NELL1: variants seen among roughly 807,000 people sequenced by gnomAD.
NELL1 encodes neural EGFL like 1.
Under a neutral mutation model 107.4 loss-of-function variants are expected in NELL1, and 76 were observed. The ratio of observed to expected loss-of-function variants is 0.71; its 90% CI spans 0.59 to 0.86. The LOEUF (loss-of-function observed/expected upper bound fraction) is 0.86. Among genes scored for constraint, NELL1 ranks in the 40% least tolerant of loss-of-function variants. NELL1 has a pLI of 0.00. For missense variants in NELL1, 1,024 were observed against 1,005.5 expected, an observed-to-expected ratio of 1.02 and a Z score of -0.25; for synonymous variants, 353 against 341.2, an observed-to-expected ratio of 1.03 and a Z score of -0.38.
Position 20,787,160 on chromosome 11 carries a change from C to T in NELL1, c.335+3330C>T, listed in dbSNP as rs1394168208. 8.6e-5 allele frequency among the ~76,000 whole-genome samples: 13 copies of T among 151,804 alleles called. No individual in the cohort carries two copies. The East Asian group carries it at 1.9e-3, about 23-fold the overall frequency. On this transcript the variant is annotated intron_variant, in intron 3 of 19. Transcript: ENST00000357134. ...TGAAGAAGTAGATACTAGATCCCCT[C>T]TCCCTCTGGACTTTATGATGCCCTG...
At chr11:20,839,518 T>C (rs1250366926) in intron 3 of NELL1, among the ~76,000 whole-genome samples, 1 of 152,210 alleles carries the variant, frequency 6.6e-6, no homozygotes, top group Non-Finnish European at 1.5e-5. Flanking sequence ...AATTTTCATG[T>C]ATATAGAAAG....
chr11:21,561,118 G>C (rs1856841558), intron 17 of NELL1, among the ~76,000 whole-genome samples: 1 of 151,952 alleles, frequency 6.6e-6, no homozygotes, highest in Admixed American at 6.6e-5. Flanking sequence ...CTCTTGCCTG[G>C]TATGTCTATG....
chr11:20,821,402 T>C (rs770282984), intron 3 of NELL1, among the ~76,000 whole-genome samples: 13 of 152,164 alleles, frequency 8.5e-5, no homozygotes, highest in Non-Finnish European at 1.6e-4. Flanking sequence ...TTAAGTATGA[T>C]TATGATGAGG....
intron 12 of NELL1, among the ~76,000 whole-genome samples, chr11:21,018,299 G>T (rs1442929867): frequency 6.6e-6 from 1 of 152,068 alleles, no homozygotes; most frequent in African/African-American, 2.4e-5. Context: ...TACTAACATA[G>T]GCCTTATAAC....
intron 12 of NELL1, among the ~76,000 whole-genome samples, chr11:21,066,989 A>G (rs1285197796): frequency 6.6e-6 from 1 of 151,798 alleles, no homozygotes; most frequent in African/African-American, 2.4e-5. Flanking sequence ...AAATAAATAA[A>G]TAAATAAATA....
At chr11:21,098,917 A>G (rs569247867) in intron 12 of NELL1, among the ~76,000 whole-genome samples, 1 of 151,214 alleles carries the variant, frequency 6.6e-6, no homozygotes, top group South Asian at 2.1e-4. Context: ...ACATCAACAT[A>G]TATCTAAAAG....
At chr11:21,020,950 T>C (rs1852683880) in intron 12 of NELL1, among the ~76,000 whole-genome samples, 2 of 150,658 alleles carry the variant, frequency 1.3e-5, no homozygotes, top group South Asian at 4.2e-4. Flanking sequence ...ACTCTCACGA[T>C]AATCAGGAAA....
intron 15 of NELL1, among the ~76,000 whole-genome samples, chr11:21,450,482 CGTT>C (rs1169633196): frequency 3.9e-5 from 6 of 152,160 alleles, no homozygotes; most frequent in Non-Finnish European, 7.3e-5. Flanking sequence ...TGAGGTATAA[CGTT>C]GTATAATTGA....
rs1242467428 is a variant in NELL1, at chr11:20,915,699, T to TTATATATATATATATATATA, written c.604-2483_604-2482insTATATATATATATATATATA. Among the ~76,000 whole-genome samples the TTATATATATATATATATATA allele has an allele frequency of 6.1e-3, 123 of 20,328 alleles. 5 individuals are homozygous for TTATATATATATATATATATA. The highest frequency in any genetic ancestry group is 0.01 in the African/African-American group (103 of 9,932). 13.3% of individuals were successfully genotyped at this position (20,328 alleles called of 152,430 possible). ...TTTCATCTGTGGAAATCCTCATAGATGATATATATATATATATATTTTTTT... is the reference window on the plus strand; with the variant it reads ...TTTCATCTGTGGAAATCCTCATAGATTATATATATATATATATATAGATATATATATATATATATTTTTTT... On this transcript the variant is annotated intron_variant, in intron 5 of 19. Transcript: ENST00000357134.
chr11:21,569,455 T>TATGATGATGATGATG (rs147067365), intron 17 of NELL1, among the ~76,000 whole-genome samples: 8 of 149,656 alleles, frequency 5.3e-5, no homozygotes, highest in African/African-American at 2.0e-4. Context: ...CATGGTAGAA[T>TATGATGATGATGATG]ATGATGATGA....
chr11:20,960,669 A>C, intron 12 of NELL1, 109 bp downstream of exon 12: 3 of 1,206,078 alleles, frequency 2.5e-6, no homozygotes, highest in Middle Eastern at 2.0e-4. Flanking sequence ...GTCCTATGCA[A>C]TCCTATAAGA....
intron 2 of NELL1, among the ~76,000 whole-genome samples, chr11:20,762,606 C>T (rs1856445786): frequency 1.3e-5 from 2 of 152,090 alleles, no homozygotes; most frequent in South Asian, 4.1e-4. Flanking sequence ...TGGTTGGAGT[C>T]TCAGTCACAC....
chr11:20,822,199 A>T (rs2134025925), intron 3 of NELL1, among the ~76,000 whole-genome samples: 1 of 152,328 alleles, frequency 6.6e-6, no homozygotes. Context: ...GAAACCAGGC[A>T]GACAGACTCC....
chr11:21,424,103 A>T (rs1372032852), intron 15 of NELL1, among the ~76,000 whole-genome samples: 3 of 152,220 alleles, frequency 2.0e-5, no homozygotes, highest in African/African-American at 7.2e-5. Context: ...TAGCAAAAGG[A>T]TGAAAATAAT....
At chr11:20,969,662 T>TAA (rs35196698) in intron 12 of NELL1, among the ~76,000 whole-genome samples, 1 of 151,038 alleles carries the variant, frequency 6.6e-6, no homozygotes, top group African/African-American at 2.4e-5. Flanking sequence ...AGTGATGTAG[T>TAA]AAAGAACAAA....
Position 21,022,939 on chromosome 11 carries a change from G to A in NELL1, c.1300+62379G>A, listed in dbSNP as rs181760710. On this transcript the variant is annotated intron_variant, in intron 12 of 19. Coordinates refer to ENST00000357134, the MANE Select transcript of NELL1 (RefSeq NM_006157.5). ...AAGGGAAACAGGCAGGACCCTAGGG[G>A]CTGTGATAGGAAAGAAGGGCCACAT... Among the ~76,000 whole-genome samples the A allele has an allele frequency of 4.6e-3, 697 of 152,152 alleles. 4 individuals are homozygous for A. Among genetic ancestry groups the A allele is most frequent in the Middle Eastern group, 0.02 (6 of 294 alleles).
chr11:20,727,109 C>A (rs376668987), intron 2 of NELL1, among the ~76,000 whole-genome samples: 1 of 152,092 alleles, frequency 6.6e-6, no homozygotes, highest in Non-Finnish European at 1.5e-5. Flanking sequence ...TGGGTATATA[C>A]CCAGTAATGG....
rs539957417 is a variant in NELL1, at chr11:21,100,148, C to G, written c.1301-13441C>G. ...TCTCATGCCTCAGACTCCTGAATAG[C>G]TGGGATTAGAGACATGCAGCACCAC... is the stretch of plus-strand genomic sequence containing the variant. On this transcript the variant is annotated intron_variant, in intron 12 of 19. Transcript: ENST00000357134. Among the ~76,000 whole-genome samples the G allele has an allele frequency of 5.3e-5, 8 of 152,086 alleles. No individual in the cohort carries two copies. In the East Asian group the frequency reaches 1.2e-3, roughly 22 times the overall value.
intron 15 of NELL1, among the ~76,000 whole-genome samples, chr11:21,425,358 T>G (rs1269789497): frequency 6.6e-6 from 1 of 152,234 alleles, no homozygotes; most frequent in Non-Finnish European, 1.5e-5. Flanking sequence ...GCTAATGTTC[T>G]TCCCCAAATG....
Sources: gnomAD v4.1 joint callset for allele counts (sites outside exome capture counted in the v4.1 genomes callset) on GRCh38, gnomAD v4.1.1 for gene constraint, MANE v1.5 for transcripts, NCBI Gene and HGNC (gene_info 2026-07-23, HGNC 2026-07-21) for gene names.